RPS6KA2: variants seen among roughly 807,000 people sequenced by gnomAD.
RPS6KA2 encodes ribosomal protein S6 kinase alpha-2.
A neutral mutation model predicts 91.8 loss-of-function variants in RPS6KA2; 42 were observed. That is an observed-to-expected ratio of 0.46 (90% CI 0.36 to 0.59). The LOEUF is 0.59. RPS6KA2 is among the 20% of genes least tolerant of loss of function. RPS6KA2 has a pLI of 0.00. For missense variants in RPS6KA2, 798 were observed against 978.5 expected, an observed-to-expected ratio of 0.82 and a Z score of 2.46; for synonymous variants, 414 against 393.6, an observed-to-expected ratio of 1.05 and a Z score of -0.61.
intron 2 of RPS6KA2, among the ~76,000 whole-genome samples, chr6:166,659,059 C>T (rs1788083114): frequency 6.7e-6 from 1 of 149,484 alleles, no homozygotes; most frequent in Non-Finnish European, 1.5e-5. Flanking sequence ...AGAAGCTCCC[C>T]ACAACACCCC....
chr6:166,581,736 GA>G (rs1327123273), intron 1 of RPS6KA2, among the ~76,000 whole-genome samples: 4 of 152,318 alleles, frequency 2.6e-5, no homozygotes, highest in Non-Finnish European at 4.4e-5. Flanking sequence ...GATGGGGAGG[GA>G]ACACCCGCTG....
intron 2 of RPS6KA2, among the ~76,000 whole-genome samples, chr6:166,843,470 A>G (rs990446867): frequency 4.6e-5 from 7 of 151,936 alleles, no homozygotes; most frequent in Non-Finnish European, 7.4e-5. Context: ...CCAACACAAA[A>G]CCAGTGCACT....
intron 2 of RPS6KA2, among the ~76,000 whole-genome samples, chr6:166,751,284 G>A (rs939313001): frequency 6.6e-5 from 10 of 152,244 alleles, no homozygotes; most frequent in Admixed American, 3.3e-4. Flanking sequence ...GGCCAGGTGC[G>A]TTCAGGAAGG....
At chr6:166,703,772 C>G (rs939625130) in intron 2 of RPS6KA2, among the ~76,000 whole-genome samples, 2 of 152,212 alleles carry the variant, frequency 1.3e-5, no homozygotes, top group African/African-American at 4.8e-5. Context: ...TTCAGAAGAG[C>G]TGCAGCTGCC....
At chr6:166,454,643 G>A (rs1452084167) in intron 12 of RPS6KA2, among the ~76,000 whole-genome samples, 1 of 152,106 alleles carries the variant, frequency 6.6e-6, no homozygotes, top group Non-Finnish European at 1.5e-5. Context: ...TCATGGTCAT[G>A]GTCAACAGTG....
chr6:166,537,646 G>C (rs1783524260), intron 2 of RPS6KA2, among the ~76,000 whole-genome samples: 1 of 152,194 alleles, frequency 6.6e-6, no homozygotes, highest in South Asian at 2.1e-4. Context: ...GAACACTAAT[G>C]TACTATTCAT....
In RPS6KA2 at chr6:166,448,681, T is replaced by G. The variant is rs780990199; in HGVS notation, c.1332+43A>C. On this transcript the variant is annotated intron_variant, in intron 14 of 20. Transcript: ENST00000265678. This position sits in a 1 kb window ranked among gnomAD's most constrained non-coding sequence, Gnocchi z 4.7. Reference sequence around the variant, plus strand: ...ACATACCACACGTGCTCCCACGCGCTGCACTCACACAGGGCCCTGCTCACT... The same window carrying G: ...ACATACCACACGTGCTCCCACGCGCGGCACTCACACAGGGCCCTGCTCACT... 2 of 1,580,154 alleles carry G rather than the reference T, an allele frequency of 1.3e-6. No homozygotes were observed. Among genetic ancestry groups the G allele is most frequent in the South Asian group, 2.3e-5 (2 of 87,838 alleles).
At position 166,412,986 on chromosome 6, in the gene RPS6KA2, G is replaced by C; in HGVS notation, c.2077-99C>G. 7.7e-7 allele frequency: 1 copy of C among 1,294,786 alleles called. No homozygotes were observed. Among genetic ancestry groups the C allele is most frequent in the Admixed American group, 2.7e-5 (1 of 36,780 alleles). 80.2% of individuals were successfully genotyped at this position (1,294,786 alleles called of 1,614,324 possible). Reference sequence around the variant, plus strand: ...TGGGCCTCAGCTGCCCCCAGGCAACGTGGGAGAAACCAGAGCTTCCCCAGG... The same window carrying C: ...TGGGCCTCAGCTGCCCCCAGGCAACCTGGGAGAAACCAGAGCTTCCCCAGG... On this transcript the variant is annotated intron_variant, in intron 20 of 20. Transcript: ENST00000265678. This position sits in a 1 kb window ranked among gnomAD's most constrained non-coding sequence, Gnocchi z 4.3.
intron 8 of RPS6KA2, among the ~76,000 whole-genome samples, chr6:166,492,234 G>A (rs1296597825): frequency 2.0e-5 from 3 of 152,080 alleles, no homozygotes; most frequent in Non-Finnish European, 2.9e-5. Context: ...CTGTCCATCC[G>A]GTGCACAGAG....
intron 3 of RPS6KA2, among the ~76,000 whole-genome samples, chr6:166,513,698 G>A (rs1782547409): frequency 6.6e-6 from 1 of 152,216 alleles, no homozygotes; most frequent in South Asian, 2.1e-4. Flanking sequence ...AAAGGGGGAA[G>A]CAAGCAACCT....
At chr6:166,594,758 A>G (rs12661452) in intron 1 of RPS6KA2, among the ~76,000 whole-genome samples, 14,541 of 152,208 alleles carry the variant, frequency 0.096, 805 homozygotes, top group East Asian at 0.27. Context: ...CACTGCGCCC[A>G]GCCCAAACAC....
intron 3 of RPS6KA2, among the ~76,000 whole-genome samples, chr6:166,510,941 G>T (rs955467281): frequency 3.9e-5 from 6 of 152,062 alleles, no homozygotes; most frequent in African/African-American, 1.4e-4. Flanking sequence ...GTCAGTTTTC[G>T]TCTGTAGAAT....
chr6:166,692,509 C>T (rs1789240337), intron 2 of RPS6KA2, among the ~76,000 whole-genome samples: 1 of 151,464 alleles, frequency 6.6e-6, no homozygotes, highest in African/African-American at 2.4e-5. Context: ...TTTTGCAAGC[C>T]AAAGTTTAAA....
intron 2 of RPS6KA2, among the ~76,000 whole-genome samples, chr6:166,857,015 C>T (rs1473111597): frequency 6.6e-6 from 1 of 152,192 alleles, no homozygotes; most frequent in Non-Finnish European, 1.5e-5. Context: ...ATGCACAGAA[C>T]CGAAAGGCAG....
At chr6:166,609,292 G>C (rs981647725) in intron 1 of RPS6KA2, among the ~76,000 whole-genome samples, 1 of 152,082 alleles carries the variant, frequency 6.6e-6, no homozygotes, top group East Asian at 1.9e-4. Context: ...ACTGGGTTCC[G>C]GGTGTGAGAT....
Position 166,459,559 on chromosome 6 carries a change from T to C in RPS6KA2, c.973-8A>G, listed in dbSNP as rs762893280. On this transcript the variant is annotated splice_region_variant and splice_polypyrimidine_tract_variant and intron_variant, in intron 11 of 20. Transcript: ENST00000265678. The surrounding 1 kb of genome is among the most constrained non-coding windows in gnomAD (Gnocchi z 4.9). Reference sequence around the variant, plus strand: ...CTCCTTCCGGTACAGCGTCTATTAATACAAGGAAAGCAAGACAGGGCACTG... The same window carrying C: ...CTCCTTCCGGTACAGCGTCTATTAACACAAGGAAAGCAAGACAGGGCACTG... The C allele has an allele frequency of 6.2e-7, 1 of 1,608,038 alleles. No individual in the cohort carries two copies. Among genetic ancestry groups the C allele is most frequent in the Non-Finnish European group, 8.5e-7 (1 of 1,174,904 alleles).
At chr6:166,689,273 G>A (rs899337794) in intron 2 of RPS6KA2, among the ~76,000 whole-genome samples, 1 of 152,190 alleles carries the variant, frequency 6.6e-6, no homozygotes, top group Non-Finnish European at 1.5e-5. Context: ...TGTCTGAATT[G>A]ACACCAAGAT....
At chr6:166,444,042 G>A (rs1053353537) in intron 14 of RPS6KA2, among the ~76,000 whole-genome samples, 1 of 152,036 alleles carries the variant, frequency 6.6e-6, no homozygotes, top group African/African-American at 2.4e-5. Context: ...TATAATGCCA[G>A]GAATCCTTCC....
At chr6:166,861,671 G>T (rs1024498631) in intron 1 of RPS6KA2, among the ~76,000 whole-genome samples, 1 of 152,096 alleles carries the variant, frequency 6.6e-6, no homozygotes, top group Non-Finnish European at 1.5e-5. Flanking sequence ...TATGCTCTCT[G>T]TTCCTTGATT....
Sources: gnomAD v4.1 joint callset for allele counts (sites outside exome capture counted in the v4.1 genomes callset) on GRCh38, gnomAD v4.1.1 for gene constraint, Gnocchi (gnomAD v3.1) non-coding constraint, MANE v1.5 for transcripts, NCBI Gene and HGNC (gene_info 2026-07-23, HGNC 2026-07-21) for gene names.